Variants in STAM observed in about 807,000 individuals in gnomAD.
STAM encodes signal transducing adaptor molecule.
Under a neutral mutation model 63.4 loss-of-function variants are expected in STAM, and 16 were observed. That is an observed-to-expected ratio of 0.25 (90% confidence interval 0.17 to 0.38). The LOEUF (loss-of-function observed/expected upper bound fraction) is 0.38. Ranked by LOEUF, STAM falls within the 10% of genes least tolerant of loss-of-function variation. The probability of loss-of-function intolerance (pLI) is 1.00; values close to 1 mark genes in which losing one functional copy is unlikely to be tolerated. For missense variants in STAM, 636 were observed against 657.1 expected (o/e 0.97, Z 0.35); for synonymous variants, 238 against 223.9 (o/e 1.06, Z -0.56).
intron 1 of STAM, among the ~76,000 whole-genome samples, chr10:17,655,543 C>T (rs1833904652): frequency 6.6e-6 from 1 of 152,114 alleles, no homozygotes; most frequent in African/African-American, 2.4e-5. Context: ...TATTATACAC[C>T]TGTAAAATAT....
chr10:17,683,344 T>G (rs1835164043), intron 2 of STAM, among the ~76,000 whole-genome samples: 1 of 152,062 alleles, frequency 6.6e-6, no homozygotes, highest in Non-Finnish European at 1.5e-5. Flanking sequence ...TTATTTTTTG[T>G]AGAGATAGGG....
chr10:17,706,101 C>T (rs922314849), intron 12 of STAM, among the ~76,000 whole-genome samples: 3 of 151,986 alleles, frequency 2.0e-5, no homozygotes, highest in Admixed American at 6.6e-5. Context: ...TTCTCAAATG[C>T]ATTTGAGATT....
At chr10:17,673,153 A>G in intron 2 of STAM, 1 of 538,750 alleles carries the variant, frequency 1.9e-6, no homozygotes, top group Non-Finnish European at 2.4e-6. Context: ...TTTTTACAAA[A>G]TATTTTGTGT....
chr10:17,707,028 C>T (rs977924991), intron 12 of STAM, among the ~76,000 whole-genome samples: 8 of 150,592 alleles, frequency 5.3e-5, no homozygotes, highest in Non-Finnish European at 8.9e-5. Context: ...AGTGTAGAGC[C>T]GTTTGCTTTC....
At chr10:17,707,914 G>A (rs185250991) in intron 12 of STAM, among the ~76,000 whole-genome samples, 2 of 150,888 alleles carry the variant, frequency 1.3e-5, no homozygotes, top group African/African-American at 2.4e-5. Context: ...TTTTTGAGAC[G>A]GAGTCTTGCT....
chr10:17,704,661 G>T, intron 10 of STAM, 143 bp downstream of exon 10: 1 of 711,526 alleles, frequency 1.4e-6, no homozygotes, highest in South Asian at 2.0e-5. Context: ...CTCATATGCA[G>T]TTGAAACCTT....
chr10:17,701,343 C>CA (rs1265685646), intron 9 of STAM, among the ~76,000 whole-genome samples: 1 of 152,166 alleles, frequency 6.6e-6, no homozygotes, highest in Non-Finnish European at 1.5e-5. Context: ...ATAACATTAA[C>CA]AACTGTTGAG....
intron 13 of STAM, among the ~76,000 whole-genome samples, chr10:17,710,576 C>G (rs1554829973): frequency 6.6e-6 from 1 of 152,238 alleles, no homozygotes; most frequent in African/African-American, 2.4e-5. Context: ...CCTTGCTTTT[C>G]CACCTCTCAG....
At chr10:17,701,723 C>A (rs901831754) in intron 9 of STAM, among the ~76,000 whole-genome samples, 3 of 152,220 alleles carry the variant, frequency 2.0e-5, no homozygotes, top group East Asian at 1.9e-4. Flanking sequence ...TTCGTTTTTA[C>A]CCCCCTCCTC....
At chr10:17,652,002 T>G (rs1468296805) in intron 1 of STAM, among the ~76,000 whole-genome samples, 2 of 151,934 alleles carry the variant, frequency 1.3e-5, no homozygotes, top group Non-Finnish European at 2.9e-5. Flanking sequence ...AATGAGGCTC[T>G]GTGTATGTTT....
At position 17,700,338 on chromosome 10, in the gene STAM, G is replaced by C; in HGVS notation, c.912+59G>C. 2.2e-6 allele frequency: 3 copies of C among 1,354,236 alleles called. No individual in the cohort carries two copies. The East Asian group carries it at 7.4e-5, about 34-fold the overall frequency. 83.9% of individuals were successfully genotyped at this position (1,354,236 alleles called of 1,614,324 possible). ...TTTGTATTGAAATTTAAATGGTTTTGCTTTAAGAAAAAATTGATTACTTGA... is the reference window on the plus strand; with the variant it reads ...TTTGTATTGAAATTTAAATGGTTTTCCTTTAAGAAAAAATTGATTACTTGA... On this transcript the variant is annotated intron_variant, in intron 9 of 13. Transcript: ENST00000377524.
chr10:17,646,447 T>C (rs1378657306), intron 1 of STAM, among the ~76,000 whole-genome samples: 2 of 152,218 alleles, frequency 1.3e-5, no homozygotes, highest in Admixed American at 6.5e-5. Context: ...CTCTAACTTA[T>C]TTTAGCATTT....
Position 17,716,337 on chromosome 10 carries a change from G to T in STAM, c.*1557G>T, listed in dbSNP as rs1465280612. Among the ~76,000 whole-genome samples the T allele has an allele frequency of 6.7e-6, 1 of 148,380 alleles. No homozygotes were observed. Among genetic ancestry groups the T allele is most frequent in the African/African-American group, 2.5e-5 (1 of 40,238 alleles). ...AAGGGTGACTAATTTCACAGACTCA[G>T]ATTTAAAGCACCGTAGTTTTAAATC... On this transcript the variant is annotated 3_prime_UTR_variant, in exon 14 of 14. Coordinates refer to ENST00000377524, the MANE Select transcript of STAM (RefSeq NM_003473.4).
At chr10:17,695,269 G>T in intron 7 of STAM, 28 bp downstream of exon 7, 1 of 1,594,274 alleles carries the variant, frequency 6.3e-7, no homozygotes, top group Non-Finnish European at 8.6e-7. Context: ...TTTAAAATTT[G>T]TATGAAAGTG....
At chr10:17,655,486 C>A (rs1486630347) in intron 1 of STAM, among the ~76,000 whole-genome samples, 2 of 151,960 alleles carry the variant, frequency 1.3e-5, no homozygotes, top group African/African-American at 4.8e-5. Flanking sequence ...TTTTAGTTGT[C>A]CGGTGGTAGT....
intron 2 of STAM, among the ~76,000 whole-genome samples, chr10:17,681,780 C>A (rs566855167): frequency 3.9e-5 from 6 of 152,298 alleles, no homozygotes; most frequent in African/African-American, 1.4e-4. Flanking sequence ...TGGTAACTGG[C>A]ATCATGGGCA....
chr10:17,649,363 T>A lies in STAM; in HGVS notation c.40+4984T>A, dbSNP rs552727873. Reference sequence around the variant, plus strand: ...CTGCAGTGAGCTATGACTGCACTCTTGCCTGGGCAAGAGAGTGAGACCCTG... The same window carrying A: ...CTGCAGTGAGCTATGACTGCACTCTAGCCTGGGCAAGAGAGTGAGACCCTG... On this transcript the variant is annotated intron_variant, in intron 1 of 13. Transcript: ENST00000377524. Among the ~76,000 whole-genome samples the A allele has an allele frequency of 5.3e-5, 8 of 151,322 alleles. No individual in the cohort carries two copies. In the East Asian group the frequency reaches 7.8e-4, roughly 15 times the overall value.
chr10:17,666,387 ATTTTTTTTT>A lies in STAM; in HGVS notation c.125+5856_125+5864del, dbSNP rs10673746. Reference sequence around the variant, plus strand: ...TAAAAATGTTTTTCCTTGGCTTTGTATTTTTTTTTTTTTTTTTTTTTTTTTGAGACAGAG... The same window carrying A: ...TAAAAATGTTTTTCCTTGGCTTTGTATTTTTTTTTTTTTTTTGAGACAGAG... On this transcript the variant is annotated intron_variant, in intron 2 of 13. Transcript: ENST00000377524. 7.9e-3 allele frequency among the ~76,000 whole-genome samples: 676 copies of A among 85,932 alleles called. 5 individuals carry two copies. The highest frequency in any genetic ancestry group is 0.033 in the African/African-American group (652 of 19,996). 56.4% of individuals were successfully genotyped at this position (85,932 alleles called of 152,430 possible). A position where few individuals can be genotyped will look rare whatever the true frequency, so the allele number is the denominator to read the frequency against.
chr10:17,686,528 C>T (rs555605458), intron 4 of STAM, among the ~76,000 whole-genome samples: 6 of 152,192 alleles, frequency 3.9e-5, no homozygotes, highest in African/African-American at 1.4e-4. Context: ...AGGCATGCGC[C>T]ACCACGCCTG....
Sources: gnomAD v4.1 joint callset for allele counts (sites outside exome capture counted in the v4.1 genomes callset) on GRCh38, gnomAD v4.1.1 for gene constraint, MANE v1.5 for transcripts, NCBI Gene and HGNC (gene_info 2026-07-23, HGNC 2026-07-21) for gene names.